The following LNX1 variants were observed in gnomAD, a reference collection of about 807,000 sequenced individuals.
LNX1 encodes E3 ubiquitin-protein ligase LNX.
In LNX1, 54 loss-of-function variants were observed where a neutral mutation model predicts 68.4. That is an observed-to-expected ratio of 0.79 (90% CI 0.63 to 0.99). The LOEUF (loss-of-function observed/expected upper bound fraction) is 0.99, where lower values mean the gene tolerates loss of function less well. LNX1 is among the 50% of genes least tolerant of loss of function. LNX1 has a pLI of 0.00. For missense variants in LNX1, 906 were observed against 926.4 expected (o/e 0.98, Z 0.29); for synonymous variants, 336 against 350.0 (o/e 0.96, Z 0.45).
intron 2 of LNX1, among the ~76,000 whole-genome samples, chr4:53,509,203 T>C (rs1726149001): frequency 6.6e-6 from 1 of 152,228 alleles, no homozygotes; most frequent in African/African-American, 2.4e-5. Flanking sequence ...ACCACTCCAG[T>C]TTCCACAGTT....
intron 6 of LNX1, among the ~76,000 whole-genome samples, chr4:53,495,779 T>A (rs1219638609): frequency 6.6e-6 from 1 of 152,086 alleles, no homozygotes; most frequent in Non-Finnish European, 1.5e-5. Context: ...CCTGACCTCA[T>A]GTGATACACC....
chr4:53,539,573 T>C (rs1728610898), intron 2 of LNX1, among the ~76,000 whole-genome samples: 1 of 152,230 alleles, frequency 6.6e-6, no homozygotes, highest in East Asian at 1.9e-4. Flanking sequence ...TGTGTAAGAA[T>C]TGTAGGACTT....
intron 2 of LNX1, among the ~76,000 whole-genome samples, chr4:53,549,946 T>C (rs1267065556): frequency 1.2e-4 from 19 of 152,202 alleles, no homozygotes; most frequent in Admixed American, 1.2e-3. Flanking sequence ...GAGTGGCATC[T>C]TGAAACTGCT....
In LNX1 at chr4:53,507,343, T is replaced by A; in HGVS notation, c.749A>T (p.Asn250Ile). The A allele has an allele frequency of 6.2e-7, 1 of 1,614,136 alleles. No homozygotes were observed. ...TTCAGGGGCAGTGGTGTTTTCAGAA[T>A]TTTCCCTGCCCTGGTCGGCATGGTT... ...VANHADQGRE[N>I]SENTTAPEVF... The change falls in exon 4 of 11, where the codon AAT becomes ATT. Residue 250 changes from asparagine (N) to isoleucine (I), a missense_variant. Physicochemically the swap from Asn to Ile is moderately radical, Grantham distance 149. Transcript: ENST00000263925.
chr4:53,564,279 G>A lies in LNX1; in HGVS notation c.380+9344C>T, dbSNP rs148926260. 1.5e-4 allele frequency among the ~76,000 whole-genome samples: 23 copies of A among 152,300 alleles called. No individual in the cohort carries two copies. In the East Asian group the frequency reaches 4.1e-3, roughly 27 times the overall value. ...TGCTTCAGGCAGCTGAGGGGCACCT[G>A]TGTCATCTTTCTCCTGAAGACCTCA... On this transcript the variant is annotated intron_variant, in intron 2 of 10. Coordinates refer to ENST00000263925, the MANE Select transcript of LNX1 (RefSeq NM_001126328.3).
Position 53,574,094 on chromosome 4 carries a change from A to G in LNX1, c.-86-6T>C. On this transcript the variant is annotated splice_region_variant and splice_polypyrimidine_tract_variant and intron_variant, in intron 1 of 10. Transcript: ENST00000263925. ...TCTAGGAGACATCCACACACCTAAA[A>G]AAGAACAAGAAGGCTCACCTTTGCT... The G allele has an allele frequency of 6.7e-7, 1 of 1,487,278 alleles. No homozygotes were observed. Among genetic ancestry groups the G allele is most frequent in the South Asian group, 1.4e-5 (1 of 70,092 alleles). The allele number at this position is 1,487,278 out of a possible 1,614,324, so 92.1% of individuals were successfully genotyped here.
intron 2 of LNX1, among the ~76,000 whole-genome samples, chr4:53,571,294 C>T (rs1731150006): frequency 1.3e-5 from 2 of 152,030 alleles, no homozygotes; most frequent in Non-Finnish European, 2.9e-5. Flanking sequence ...GCTGGGATTA[C>T]AGGTGTGAGC....
chr4:53,609,169 G>A (rs2668517), intron 2 of LNX1, among the ~76,000 whole-genome samples: 21 of 151,822 alleles, frequency 1.4e-4, no homozygotes, highest in African/African-American at 4.4e-4. Context: ...AAGGACTCCC[G>A]ATGTTTATTA....
intron 9 of LNX1, among the ~76,000 whole-genome samples, chr4:53,467,164 C>CAGCA (rs948751129): frequency 6.6e-6 from 1 of 152,124 alleles, no homozygotes; most frequent in Non-Finnish European, 1.5e-5. Context: ...AATGATCAGG[C>CAGCA]AGCAGCATTT....
At chr4:53,583,792 G>A (rs1731980343) in intron 1 of LNX1, among the ~76,000 whole-genome samples, 4 of 152,166 alleles carry the variant, frequency 2.6e-5, no homozygotes, top group Admixed American at 2.6e-4. Flanking sequence ...TTAGAGAAGA[G>A]TGTTCCTTCT....
chr4:53,502,463 T>A lies in LNX1; in HGVS notation c.776-3620A>T, dbSNP rs529682335. Among the ~76,000 whole-genome samples, 6 of 152,360 alleles carry A rather than the reference T, an allele frequency of 3.9e-5. No homozygotes were observed. The South Asian group carries it at 1.2e-3, about 32-fold the overall frequency. ...TCTCAATTTAAAAATACTTTATTGC[T>A]AAAACATGCTGTTTAACGATCATCT... On this transcript the variant is annotated intron_variant, in intron 4 of 10. Transcript: ENST00000263925.
intron 8 of LNX1, among the ~76,000 whole-genome samples, chr4:53,477,202 A>G (rs1723621630): frequency 6.6e-6 from 1 of 152,160 alleles, no homozygotes; most frequent in Admixed American, 6.5e-5. Flanking sequence ...AAGCACAGCT[A>G]TCGGTGTTTT....
upstream of LNX1, among the ~76,000 whole-genome samples, chr4:53,621,316 T>C (rs1288581905): frequency 1.3e-5 from 2 of 152,184 alleles, no homozygotes; most frequent in African/African-American, 4.8e-5. Context: ...CCCAGAGAAG[T>C]TGGATGTCCC....
intron 2 of LNX1, among the ~76,000 whole-genome samples, chr4:53,508,588 ACCATGAAAG>A (rs1426379296): frequency 9.9e-5 from 15 of 152,128 alleles, no homozygotes; most frequent in Non-Finnish European, 1.8e-4. Flanking sequence ...GTTTATTTTG[ACCATGAAAG>A]CCCTTAGTCA....
Position 53,574,028 on chromosome 4 carries a change from G to T in LNX1, c.-26C>A. The T allele has an allele frequency of 6.3e-7, 1 of 1,581,678 alleles. No individual in the cohort carries two copies. Among genetic ancestry groups the T allele is most frequent in the South Asian group, 1.2e-5 (1 of 85,124 alleles). On this transcript the variant is annotated 5_prime_UTR_variant, in exon 2 of 11. Coordinates refer to ENST00000263925, the MANE Select transcript of LNX1 (RefSeq NM_001126328.3). Reference sequence around the variant, plus strand: ...GATGGATTGGAGAGCAGTATAACAGGAAACTCAGTCACACAATATTTCCTC... The same window carrying T: ...GATGGATTGGAGAGCAGTATAACAGTAAACTCAGTCACACAATATTTCCTC...
At chr4:53,482,600 G>C (rs2137896) in intron 6 of LNX1, among the ~76,000 whole-genome samples, 148,919 of 152,316 alleles carry the variant, frequency 0.98, 72,893 homozygotes, top group Middle Eastern at 1. Context: ...TGAAGTAACA[G>C]AGGAATGGAA....
At chr4:53,633,510 G>C (rs371453566) in intron 1 of LNX1, among the ~76,000 whole-genome samples, 1 of 152,038 alleles carries the variant, frequency 6.6e-6, no homozygotes, top group Non-Finnish European at 1.5e-5. Context: ...TCCTTGTTCC[G>C]TGGGCTATGG....
chr4:53,519,190 C>T (rs1450779799), intron 2 of LNX1, among the ~76,000 whole-genome samples: 1 of 152,182 alleles, frequency 6.6e-6, no homozygotes. Flanking sequence ...AAGCAGAGGC[C>T]TAAAAGGATC....
At chr4:53,629,353 A>C (rs1400019118) in intron 1 of LNX1, among the ~76,000 whole-genome samples, 1 of 152,168 alleles carries the variant, frequency 6.6e-6, no homozygotes, top group Non-Finnish European at 1.5e-5. Flanking sequence ...CCAACCACCA[A>C]GAAACAGACC....
Sources: gnomAD v4.1 joint callset for allele counts (sites outside exome capture counted in the v4.1 genomes callset) on GRCh38, gnomAD v4.1.1 for gene constraint, MANE v1.5 for transcripts, NCBI Gene and HGNC (gene_info 2026-07-23, HGNC 2026-07-21) for gene names.